The following MAST2 variants were observed in gnomAD, a reference collection of about 807,000 sequenced individuals.
The protein encoded by MAST2 is microtubule-associated serine/threonine-protein kinase 2.
Under a neutral mutation model 147.4 loss-of-function variants are expected in MAST2, and 70 were observed. That is an observed-to-expected ratio of 0.47 (90% CI 0.39 to 0.58). The LOEUF is 0.58. MAST2 is among the 20% of genes least tolerant of loss of function. The pLI, the probability that MAST2 is intolerant of heterozygous loss-of-function variation, is 0.00. For synonymous variants in MAST2, 869 were observed against 896.8 expected (o/e 0.97, Z 0.55); for missense variants, 2,080 against 2,302.3 (o/e 0.90, Z 1.98).
chr1:45,955,296 C>G (rs1461733624), intron 4 of MAST2, among the ~76,000 whole-genome samples: 1 of 152,100 alleles, frequency 6.6e-6, no homozygotes, highest in East Asian at 1.9e-4. Context: ...TCGCATATAA[C>G]CTATACACAT....
At chr1:45,997,848 A>C in intron 6 of MAST2, 49 bp downstream of exon 6, 2 of 1,441,534 alleles carry the variant, frequency 1.4e-6, no homozygotes, top group Non-Finnish European at 2.0e-6. Context: ...TGGCACTTGC[A>C]TGAGGGTTAA....
intron 3 of MAST2, among the ~76,000 whole-genome samples, chr1:45,868,093 T>C (rs1374151805): frequency 6.6e-6 from 1 of 152,238 alleles, no homozygotes; most frequent in African/African-American, 2.4e-5. Flanking sequence ...TTCTTTACAC[T>C]GGAGGAGCCT....
intron 3 of MAST2, among the ~76,000 whole-genome samples, chr1:45,869,410 G>A (rs1646289749): frequency 6.6e-6 from 1 of 152,118 alleles, no homozygotes; most frequent in Non-Finnish European, 1.5e-5. Context: ...GATCACCTCT[G>A]AATTAAATTC....
At position 45,852,928 on chromosome 1, in the gene MAST2, A is replaced by T. The variant is rs956608841; in HGVS notation, c.468+23347A>T. 5.3e-5 allele frequency among the ~76,000 whole-genome samples: 8 copies of T among 151,608 alleles called. No individual in the cohort carries two copies. The East Asian group carries it at 5.8e-4, about 11-fold the overall frequency. ...TTTTAAAGCTATTAACTTTTTTTTT[A>T]AATTAAAAACAATTATTTTTTGTTG... On this transcript the variant is annotated intron_variant, in intron 3 of 28. Coordinates refer to ENST00000361297, the MANE Select transcript of MAST2 (RefSeq NM_015112.3).
In MAST2 at chr1:46,034,940, C is replaced by T; in HGVS notation, c.4271C>T (p.Thr1424Ile). 6.2e-7 allele frequency: 1 copy of T among 1,614,194 alleles called. No individual in the cohort carries two copies. Among genetic ancestry groups the T allele is most frequent in the South Asian group, 1.1e-5 (1 of 91,082 alleles). Residue 1424 changes from threonine to isoleucine, a missense_variant, in exon 29 of 29, where the codon ACT becomes ATT. Transcript: ENST00000361297. ...GCCGCCTCTGAGAAGAAGCTAGCCACTTCTCGCAAGCACAGCCTTGACCTG... is the reference window on the plus strand; with the variant it reads ...GCCGCCTCTGAGAAGAAGCTAGCCATTTCTCGCAAGCACAGCCTTGACCTG... ...ALAASEKKLATSRKHSLDLPH... is the reference protein window; with the variant it reads ...ALAASEKKLAISRKHSLDLPH...
chr1:45,952,668 A>G (rs1659096899), intron 4 of MAST2, among the ~76,000 whole-genome samples: 1 of 152,224 alleles, frequency 6.6e-6, no homozygotes, highest in Non-Finnish European at 1.5e-5. Flanking sequence ...AGACTACAGA[A>G]TAATATTTTT....
chr1:45,849,043 A>G (rs370715199), intron 3 of MAST2, among the ~76,000 whole-genome samples: 1 of 152,196 alleles, frequency 6.6e-6, no homozygotes, highest in East Asian at 1.9e-4. Context: ...CAAGATTTCT[A>G]CAATGAGAAT....
intron 5 of MAST2, among the ~76,000 whole-genome samples, chr1:45,995,075 C>G (rs1019886687): frequency 2.6e-5 from 4 of 152,098 alleles, no homozygotes; most frequent in Non-Finnish European, 5.9e-5. Flanking sequence ...CTCCTGGCCT[C>G]GTGATCCGCC....
In MAST2 at chr1:45,913,869, C is replaced by T. The variant is rs1483880153; in HGVS notation, c.500+31474C>T. ...GCAAGAGAGACTGGGAGCACCATGT[C>T]TGCGGATTCAGTAAGGAGGTTGGGG... is the stretch of plus-strand genomic sequence containing the variant. On this transcript the variant is annotated intron_variant, in intron 4 of 28. Transcript: ENST00000361297. The T allele has an allele frequency of 2.4e-6, 3 of 1,245,818 alleles. 1 individual carries two copies. Among genetic ancestry groups the T allele is most frequent in the Middle Eastern group, 4.4e-4 (2 of 4,552 alleles). The allele number at this position is 1,245,818 out of a possible 1,614,324, so 77.2% of individuals were successfully genotyped here.
chr1:45,914,916 A>T (rs554270080), intron 4 of MAST2, among the ~76,000 whole-genome samples: 1 of 152,350 alleles, frequency 6.6e-6, no homozygotes, highest in African/African-American at 2.4e-5. Context: ...TTTGTAGCTT[A>T]AGAAAACTTA....
intron 5 of MAST2, among the ~76,000 whole-genome samples, chr1:45,989,797 C>G (rs1189560254): frequency 1.3e-5 from 2 of 152,144 alleles, no homozygotes; most frequent in East Asian, 3.8e-4. Flanking sequence ...ATAGTTATAC[C>G]TACCTTTTCC....
At chr1:45,963,670 A>G (rs953007183) in intron 5 of MAST2, among the ~76,000 whole-genome samples, 11 of 152,172 alleles carry the variant, frequency 7.2e-5, no homozygotes, top group South Asian at 2.1e-4. Context: ...GGCTGAGACA[A>G]TGGGGTTTTC....
chr1:45,834,810 C>G (rs1397263427), intron 3 of MAST2, among the ~76,000 whole-genome samples: 1 of 152,104 alleles, frequency 6.6e-6, no homozygotes, highest in African/African-American at 2.4e-5. Context: ...TAACTAGTAT[C>G]TGCAGTTTTG....
At chr1:46,018,851 G>A (rs1490826917) in intron 10 of MAST2, among the ~76,000 whole-genome samples, 2 of 152,156 alleles carry the variant, frequency 1.3e-5, no homozygotes, top group East Asian at 3.8e-4. Flanking sequence ...TCATATAGGT[G>A]CCTGAAACTG....
At chr1:45,954,016 AACC>A (rs1659310690) in intron 4 of MAST2, among the ~76,000 whole-genome samples, 1 of 152,154 alleles carries the variant, frequency 6.6e-6, no homozygotes, top group Non-Finnish European at 1.5e-5. Context: ...GCTTGACTGT[AACC>A]AGCTCCACAT....
chr1:45,850,787 T>A (rs1303334751), intron 3 of MAST2, among the ~76,000 whole-genome samples: 1 of 151,868 alleles, frequency 6.6e-6, no homozygotes, highest in Non-Finnish European at 1.5e-5. Context: ...TTCTGGGTTC[T>A]CTATTCTGTT....
At chr1:45,946,012 A>G (rs1657977931) in intron 4 of MAST2, among the ~76,000 whole-genome samples, 1 of 152,202 alleles carries the variant, frequency 6.6e-6, no homozygotes. Flanking sequence ...CAAGAGATGT[A>G]CTGCTTTAAG....
intron 4 of MAST2, chr1:45,913,954 TTCA>T: frequency 9.9e-7 from 1 of 1,012,104 alleles, no homozygotes; most frequent in Non-Finnish European, 1.2e-6. Context: ...CACAGCTTCG[TTCA>T]TTTGGATGAA....
intron 4 of MAST2, among the ~76,000 whole-genome samples, chr1:45,924,718 A>G (rs1003261001): frequency 1.3e-5 from 2 of 152,214 alleles, no homozygotes; most frequent in Non-Finnish European, 2.9e-5. Context: ...AGTAACTCAG[A>G]ACGTCACTGT....
Sources: gnomAD v4.1 joint callset for allele counts (sites outside exome capture counted in the v4.1 genomes callset) on GRCh38, gnomAD v4.1.1 for gene constraint, MANE v1.5 for transcripts, NCBI Gene and HGNC (gene_info 2026-07-23, HGNC 2026-07-21) for gene names.